ADGRB3: variants seen among roughly 807,000 people sequenced by gnomAD.
The protein encoded by ADGRB3 is adhesion G protein-coupled receptor B3, also known as brain-specific angiogenesis inhibitor 3.
In ADGRB3, 37 loss-of-function variants were observed where a neutral mutation model predicts 193.4. The observed-to-expected ratio is 0.19, with a 90% CI of 0.15 to 0.25. ADGRB3 has a LOEUF of 0.25. Among genes scored for constraint, ADGRB3 ranks in the 10% least tolerant of loss-of-function variants. ADGRB3 has a pLI of 1.00. For synonymous variants in ADGRB3, 690 were observed against 644.2 expected (o/e 1.07, Z -1.08); for missense variants, 1,637 against 1,852.9 (o/e 0.88, Z 2.14).
chr6:68,917,052 C>G (rs1399901840), intron 3 of ADGRB3, among the ~76,000 whole-genome samples: 3 of 152,056 alleles, frequency 2.0e-5, no homozygotes. Flanking sequence ...TTACATTGGT[C>G]CAAGTGATAG....
intron 17 of ADGRB3, among the ~76,000 whole-genome samples, chr6:69,200,140 A>C (rs901849901): frequency 2.6e-5 from 4 of 151,968 alleles, no homozygotes; most frequent in African/African-American, 9.7e-5. Context: ...TAAAAAAAAA[A>C]CAGAGAAAAC....
Position 68,952,204 on chromosome 6 carries a change from T to C in ADGRB3, c.1196-3820T>C, listed in dbSNP as rs995303089. ...GACACTAGTGTTTCTAGAAGTGTTATGGGGCTGCGGCCCATAAAACAAATC... is the reference window on the plus strand; with the variant it reads ...GACACTAGTGTTTCTAGAAGTGTTACGGGGCTGCGGCCCATAAAACAAATC... On this transcript the variant is annotated intron_variant, in intron 6 of 31. Transcript: ENST00000370598. 1.3e-4 allele frequency among the ~76,000 whole-genome samples: 20 copies of C among 152,128 alleles called. 1 individual carries two copies. The highest frequency in any genetic ancestry group is 4.6e-4 in the African/African-American group (19 of 41,434).
intron 20 of ADGRB3, among the ~76,000 whole-genome samples, chr6:69,274,821 C>A (rs1420993818): frequency 6.6e-6 from 1 of 152,018 alleles, no homozygotes; most frequent in Non-Finnish European, 1.5e-5. Flanking sequence ...CTGCTTCTTG[C>A]TGAAGGAGGG....
intron 3 of ADGRB3, among the ~76,000 whole-genome samples, chr6:68,870,687 C>G (rs762179385): frequency 7.9e-5 from 12 of 152,160 alleles, no homozygotes; most frequent in Non-Finnish European, 1.8e-4. Flanking sequence ...CCCAGCTTAG[C>G]CACTTGCCCA....
intron 3 of ADGRB3, among the ~76,000 whole-genome samples, chr6:68,739,242 T>A (rs559680088): frequency 6.6e-6 from 1 of 151,978 alleles, no homozygotes; most frequent in Non-Finnish European, 1.5e-5. Flanking sequence ...TCGGAAGCAA[T>A]GAGTAAGGAA....
At chr6:68,678,576 A>G (rs564840824) in intron 3 of ADGRB3, among the ~76,000 whole-genome samples, 2 of 152,336 alleles carry the variant, frequency 1.3e-5, no homozygotes, top group South Asian at 4.1e-4. Flanking sequence ...GACTTCATTC[A>G]GAATATGGGT....
intron 26 of ADGRB3, among the ~76,000 whole-genome samples, chr6:69,352,064 A>G (rs1363986148): frequency 6.6e-6 from 1 of 152,152 alleles, no homozygotes; most frequent in Non-Finnish European, 1.5e-5. Context: ...GTTAATATGT[A>G]CCTATTTTTC....
At chr6:68,690,808 A>G (rs1204172703) in intron 3 of ADGRB3, among the ~76,000 whole-genome samples, 1 of 152,060 alleles carries the variant, frequency 6.6e-6, no homozygotes, top group Non-Finnish European at 1.5e-5. Flanking sequence ...CAAATCCAAC[A>G]GTTCTCATCT....
intron 3 of ADGRB3, among the ~76,000 whole-genome samples, chr6:68,908,226 G>A (rs1328665597): frequency 7.9e-5 from 12 of 151,902 alleles, no homozygotes; most frequent in Admixed American, 7.2e-4. Flanking sequence ...ATTATTGATC[G>A]ATGACCAATT....
At chr6:68,648,075 T>C (rs978599849) in intron 3 of ADGRB3, among the ~76,000 whole-genome samples, 9 of 152,270 alleles carry the variant, frequency 5.9e-5, no homozygotes, top group South Asian at 2.1e-4. Flanking sequence ...CTTTCAACTA[T>C]CCTCCAGGAA....
chr6:69,112,486 A>G (rs1359447468), intron 17 of ADGRB3, among the ~76,000 whole-genome samples: 3 of 152,148 alleles, frequency 2.0e-5, no homozygotes, highest in Non-Finnish European at 4.4e-5. Context: ...AGATGAGAGC[A>G]CTGGGGACAA....
At position 69,291,938 on chromosome 6, in the gene ADGRB3, C is replaced by T. The variant is rs866619505; in HGVS notation, c.2815-32934C>T. Among the ~76,000 whole-genome samples the T allele has an allele frequency of 2.8e-4, 43 of 152,090 alleles. 1 individual carries two copies. Among genetic ancestry groups the T allele is most frequent in the African/African-American group, 9.9e-4 (41 of 41,508 alleles). ...CATGTGAGAGGTGCCCTCCCTATAC[C>T]GAGAGGAAAGGAATATCCTTATCCC... On this transcript the variant is annotated intron_variant, in intron 20 of 31. Transcript: ENST00000370598.
intron 3 of ADGRB3, among the ~76,000 whole-genome samples, chr6:68,911,796 GC>G (rs1347629144): frequency 8.1e-5 from 12 of 149,026 alleles, no homozygotes; most frequent in African/African-American, 3.0e-4. Context: ...TTGAAAGTTG[GC>G]TTTTTGGAAA....
At position 68,943,919 on chromosome 6, in the gene ADGRB3, C is replaced by G. The variant is rs201804096; in HGVS notation, c.1120C>G (p.Pro374Ala). The change falls in exon 6 of 32, where the codon CCT (proline) becomes GCT (alanine). Residue 374 changes from proline (P) to alanine (A), a missense_variant. Physicochemically the swap from Pro to Ala is conservative, Grantham distance 27. Transcript: ENST00000370598. ...AAGAACAAGAACAAGGTCATGCACA[C>G]CTCCTCAGTATGGAGGAAGGCCGTG... ...GQRTRTRSCT[P>A]PQYGGRPCEG... 1.9e-6 allele frequency: 3 copies of G among 1,613,992 alleles called. No individual in the cohort carries two copies. Among genetic ancestry groups the G allele is most frequent in the African/African-American group, 2.7e-5 (2 of 75,042 alleles).
intron 3 of ADGRB3, among the ~76,000 whole-genome samples, chr6:68,725,702 G>C (rs1765660201): frequency 6.6e-6 from 1 of 151,570 alleles, no homozygotes; most frequent in African/African-American, 2.4e-5. Flanking sequence ...TCAGGAGAGA[G>C]GTTAGAGTGA....
intron 17 of ADGRB3, among the ~76,000 whole-genome samples, chr6:69,123,000 G>GTGTA (rs1491244094): frequency 1.4e-5 from 2 of 146,236 alleles, no homozygotes; most frequent in Admixed American, 1.4e-4. Context: ...ATACGTGTGA[G>GTGTA]TGTGTGTGTG....
At chr6:69,333,086 G>T (rs550639256) in intron 24 of ADGRB3, 78 bp downstream of exon 24, 27 of 1,462,908 alleles carry the variant, frequency 1.8e-5, no homozygotes, top group Admixed American at 1.5e-4. Context: ...CACTGACTGC[G>T]TTTGACTCTG....
intron 24 of ADGRB3, among the ~76,000 whole-genome samples, chr6:69,337,282 A>G (rs1355140407): frequency 6.6e-6 from 1 of 152,224 alleles, no homozygotes; most frequent in African/African-American, 2.4e-5. Flanking sequence ...AAAGGAAACA[A>G]TATATAACTA....
intron 1 of ADGRB3, 121 bp from the exon 2 acceptor site, chr6:68,637,270 G>A (rs1374902443): frequency 3.3e-5 from 5 of 152,474 alleles, no homozygotes; most frequent in Admixed American, 1.3e-4. Flanking sequence ...GTGTGCATGC[G>A]TTGGTGTGTG....
Sources: gnomAD v4.1 joint callset for allele counts (sites outside exome capture counted in the v4.1 genomes callset) on GRCh38, gnomAD v4.1.1 for gene constraint, MANE v1.5 for transcripts, NCBI Gene and HGNC (gene_info 2026-07-23, HGNC 2026-07-21) for gene names.